VLDLR: variants seen among roughly 807,000 people sequenced by gnomAD.
VLDLR encodes the protein very low density lipoprotein receptor.
In VLDLR, 81 loss-of-function variants were observed where a neutral mutation model predicts 112.7. That is an observed-to-expected ratio of 0.72 (90% confidence interval 0.60 to 0.86). The LOEUF is 0.86. Among genes scored for constraint, VLDLR ranks in the 40% least tolerant of loss-of-function variants. The pLI is 0.00. For synonymous variants in VLDLR, 436 were observed against 384.8 expected, an observed-to-expected ratio of 1.13 and a Z score of -1.56; for missense variants, 1,237 against 1,099.4, an observed-to-expected ratio of 1.13 and a Z score of -1.77.
chr9:2,649,220 T>G (rs1263017074), intron 14 of VLDLR, among the ~76,000 whole-genome samples: 2 of 152,170 alleles, frequency 1.3e-5, no homozygotes, highest in Non-Finnish European at 2.9e-5. Context: ...CTCAAAACTC[T>G]GGAGGCCAGA....
At position 2,653,874 on chromosome 9, in the gene VLDLR, G is replaced by A. The variant is rs748173553; in HGVS notation, c.*6G>A. 6.2e-7 allele frequency: 1 copy of A among 1,613,822 alleles called. No individual in the cohort carries two copies. The highest frequency in any genetic ancestry group is 1.7e-5 in the Admixed American group (1 of 60,002). On this transcript the variant is annotated 3_prime_UTR_variant, in exon 19 of 19. Transcript: ENST00000382100. Reference sequence around the variant, plus strand: ...CAGATGATGATCTAGCTTGACTTCTGTGACAAATGTTGACCTTTGAGGTCT... The same window carrying A: ...CAGATGATGATCTAGCTTGACTTCTATGACAAATGTTGACCTTTGAGGTCT...
At chr9:2,628,553 T>TCTAGGTTGCTTGAATCA (rs1320205285) in intron 1 of VLDLR, among the ~76,000 whole-genome samples, 5 of 152,216 alleles carry the variant, frequency 3.3e-5, no homozygotes, top group African/African-American at 4.8e-5. Flanking sequence ...TCTTGGCTAT[T>TCTAGGTTGCTTGAATCA]CTAGGTTGCT....
chr9:2,639,892 G>A lies in VLDLR; in HGVS notation c.236G>A (p.Cys79Tyr). The stretch of plus-strand genomic sequence containing the variant: ...ACGTGTGCTGAATCTGACTTCGTGT[G>A]CAACAATGGCCAGTGTGTTCCCAGC... ...KKTCAESDFV[C>Y]NNGQCVPSRW... The change falls in exon 3 of 19, where the codon TGC becomes TAC. Residue 79 changes from cysteine to tyrosine, a missense_variant. Cys to Tyr is a radical substitution (Grantham distance 194). Coordinates refer to ENST00000382100, the MANE Select transcript of VLDLR (RefSeq NM_003383.5). 1 of 1,614,190 alleles carries A rather than the reference G, an allele frequency of 6.2e-7. No homozygotes were observed. The highest frequency in any genetic ancestry group is 1.1e-5 in the South Asian group (1 of 91,090).
chr9:2,628,432 T>A (rs1236611396), intron 1 of VLDLR, among the ~76,000 whole-genome samples: 2 of 152,168 alleles, frequency 1.3e-5, no homozygotes, highest in Non-Finnish European at 2.9e-5. Context: ...CTTTGAGCTG[T>A]TAGCTCAGCC....
chr9:2,642,579 C>T (rs1437564347), intron 4 of VLDLR, among the ~76,000 whole-genome samples: 1 of 152,200 alleles, frequency 6.6e-6, no homozygotes, highest in Non-Finnish European at 1.5e-5. Context: ...ACTAGCTTAT[C>T]ATTGTCAGCA....
intron 1 of VLDLR, chr9:2,622,491 G>A (rs1816856173): frequency 8.9e-6 from 4 of 450,704 alleles, no homozygotes; most frequent in Non-Finnish European, 7.7e-6. Flanking sequence ...GTGCCCCGAC[G>A]CCTCGCCTGA....
At chr9:2,629,249 G>A (rs1234788004) in intron 1 of VLDLR, among the ~76,000 whole-genome samples, 4 of 152,220 alleles carry the variant, frequency 2.6e-5, no homozygotes, top group Non-Finnish European at 5.9e-5. Flanking sequence ...AGAAGCTAAC[G>A]ATTTTCAAGG....
In VLDLR at chr9:2,645,606, A is replaced by G. The variant is rs780557047; in HGVS notation, c.1345A>G (p.Arg449Gly). ...GCCAAGTCTGATCTTCACTAATCGA[A>G]GAGACATCAGGAAGATTGGCTTAGA... is the stretch of plus-strand genomic sequence containing the variant. The part of the protein sequence containing the change: ...KEPSLIFTNR[R>G]DIRKIGLERK... The change falls in exon 10 of 19, where the codon AGA becomes GGA. Residue 449 changes from arginine to glycine, a missense_variant. By Grantham distance (125) the Arg-to-Gly change is moderately radical. Transcript: ENST00000382100. 4 of 1,614,126 alleles carry G rather than the reference A, an allele frequency of 2.5e-6. No individual in the cohort carries two copies. The African/African-American group carries it at 4.0e-5, about 16-fold the overall frequency.
At chr9:2,645,178 A>T in intron 9 of VLDLR, 96 bp downstream of exon 9, 2 of 1,577,744 alleles carry the variant, frequency 1.3e-6, no homozygotes, top group Non-Finnish European at 1.7e-6. Flanking sequence ...CTAAACATGA[A>T]ATTGTACTTG....
At chr9:2,626,632 A>T (rs1271877806) in intron 1 of VLDLR, among the ~76,000 whole-genome samples, 1 of 152,144 alleles carries the variant, frequency 6.6e-6, no homozygotes, top group African/African-American at 2.4e-5. Flanking sequence ...TGTAGTTTAG[A>T]GATGCTGGAA....
At position 2,647,687 on chromosome 9, in the gene VLDLR, A is replaced by G. The variant is rs1818136953; in HGVS notation, c.1822+95A>G. On this transcript the variant is annotated intron_variant, in intron 12 of 18. Coordinates refer to ENST00000382100, the MANE Select transcript of VLDLR (RefSeq NM_003383.5). ...GAATTCTGGACTAGCAGATGACTCT[A>G]CTGCTTCCGCCTAAATTCTAGCAGG... is the stretch of plus-strand genomic sequence containing the variant. The G allele has an allele frequency of 3.6e-6, 4 of 1,099,880 alleles. No individual in the cohort carries two copies. In the East Asian group the frequency reaches 7.0e-5, roughly 19 times the overall value. The allele number at this position is 1,099,880 out of a possible 1,614,324, so 68.1% of individuals were successfully genotyped here.
At chr9:2,650,294 T>A in intron 14 of VLDLR, 76 bp from the exon 15 acceptor site, 2 of 1,596,734 alleles carry the variant, frequency 1.3e-6, no homozygotes, top group East Asian at 4.5e-5. Context: ...ACTCAGGTCT[T>A]CAACATGTAG....
intron 1 of VLDLR, among the ~76,000 whole-genome samples, chr9:2,626,713 G>A (rs977676896): frequency 1.7e-4 from 26 of 152,198 alleles, no homozygotes; most frequent in Non-Finnish European, 3.8e-4. Flanking sequence ...GAGCCTTTAT[G>A]TATGTAGACG....
intron 1 of VLDLR, among the ~76,000 whole-genome samples, chr9:2,627,172 T>C (rs1341355697): frequency 2.6e-5 from 4 of 152,202 alleles, no homozygotes; most frequent in Non-Finnish European, 5.9e-5. Context: ...GATCCAGTGT[T>C]TAAGACTTAA....
chr9:2,649,897 A>T (rs1223729065), intron 14 of VLDLR, among the ~76,000 whole-genome samples: 1 of 150,876 alleles, frequency 6.6e-6, no homozygotes, highest in African/African-American at 2.4e-5. Flanking sequence ...TCTCAAACAC[A>T]TCGGGTTATA....
chr9:2,635,701 G>T, intron 2 of VLDLR, 129 bp downstream of exon 2: 3 of 1,399,092 alleles, frequency 2.1e-6, no homozygotes, highest in Non-Finnish European at 3.0e-6. Context: ...ATACTTCTCT[G>T]TGTAAAGGAA....
chr9:2,635,689 C>G, intron 2 of VLDLR, 117 bp downstream of exon 2: 2 of 1,475,342 alleles, frequency 1.4e-6, no homozygotes, highest in South Asian at 1.2e-5. Context: ...TTGAAAGAAT[C>G]TATACTTCTC....
chr9:2,622,332 C>T (rs1816843409), intron 1 of VLDLR, 61 bp downstream of exon 1: 2 of 1,375,682 alleles, frequency 1.5e-6, no homozygotes. Context: ...CGGGAGACCC[C>T]GAGGCGTAGG....
chr9:2,655,574 CATCTT>C lies in VLDLR; in HGVS notation c.*1707_*1711del, dbSNP rs1298330852. 1.3e-5 allele frequency: 2 copies of C among 152,118 alleles called. No individual in the cohort carries two copies. Among genetic ancestry groups the C allele is most frequent in the Non-Finnish European group, 2.9e-5 (2 of 68,020 alleles). 9.4% of individuals were successfully genotyped at this position (152,118 alleles called of 1,614,324 possible). On this transcript the variant is annotated 3_prime_UTR_variant, in exon 19 of 19. Transcript: ENST00000382100. ...TGCATATGAAATATAAGGCAGTTAACATCTTGTTTGTGGCTTAAGCAAGGACATTA... is the reference window on the plus strand; with the variant it reads ...TGCATATGAAATATAAGGCAGTTAACGTTTGTGGCTTAAGCAAGGACATTA...
Sources: allele counts gnomAD v4.1 joint callset (sites outside exome capture counted in the v4.1 genomes callset), GRCh38; gene constraint gnomAD v4.1.1; transcripts MANE v1.5; gene names NCBI Gene and HGNC (gene_info 2026-07-23, HGNC 2026-07-21).